ZNF480: variants seen among roughly 807,000 people sequenced by gnomAD.
ZNF480 encodes the protein zinc finger protein 480.
Under a neutral mutation model 14.4 loss-of-function variants are expected in ZNF480, and 15 were observed. The ratio of observed to expected loss-of-function variants is 1.04; its 90% CI spans 0.70 to 1.60. ZNF480 has a LOEUF of 1.60. Among genes scored for constraint, ZNF480 ranks in the 40% most tolerant of loss-of-function variants. The probability of loss-of-function intolerance (pLI) is 0.00; values close to 1 mark genes in which losing one functional copy is unlikely to be tolerated. For missense variants in ZNF480, 593 were observed against 629.7 expected (o/e 0.94, Z 0.62); for synonymous variants, 218 against 215.5 (o/e 1.01, Z -0.10).
Position 52,322,711 on chromosome 19 carries a change from A to G in ZNF480, c.1461A>G (p.Glu487=). 6.2e-7 allele frequency: 1 copy of G among 1,613,802 alleles called. No individual in the cohort carries two copies. Residue 487 remains glutamate, a synonymous_variant, in exon 5 of 5, where the codon GAA becomes GAG. Coordinates refer to ENST00000595962, the MANE Select transcript of ZNF480 (RefSeq NM_144684.4). ...GAGAAAGACCTTACAAATGTAATGA[A>G]TGTGGCAAGGTCTTCAATCGAATTG... ...HTGERPYKCN[E]CGKVFNRIAH...
At chr19:52,306,912 T>C (rs1432302518) in intron 2 of ZNF480, among the ~76,000 whole-genome samples, 1 of 152,110 alleles carries the variant, frequency 6.6e-6, no homozygotes, top group East Asian at 1.9e-4. Flanking sequence ...ACCTGGAGGG[T>C]GAGGCCACTC....
At chr19:52,318,629 G>T (rs1353745599) in intron 4 of ZNF480, among the ~76,000 whole-genome samples, 1 of 151,954 alleles carries the variant, frequency 6.6e-6, no homozygotes, top group African/African-American at 2.4e-5. Flanking sequence ...TTTTACCTAT[G>T]GTTTTTTCTA....
intron 2 of ZNF480, among the ~76,000 whole-genome samples, chr19:52,308,375 C>T (rs1007839272): frequency 7.5e-5 from 11 of 147,024 alleles, no homozygotes; most frequent in East Asian, 4.0e-4. Flanking sequence ...AGCGCAATCT[C>T]GGCTCACTAC....
intron 2 of ZNF480, among the ~76,000 whole-genome samples, chr19:52,310,352 C>T (rs191841295): frequency 6.6e-6 from 1 of 152,302 alleles, no homozygotes; most frequent in East Asian, 1.9e-4. Context: ...CCCAGCACTG[C>T]ACCAGGCTAA....
intron 2 of ZNF480, chr19:52,308,872 C>G (rs1364775506): frequency 6.6e-6 from 1 of 151,798 alleles, no homozygotes; most frequent in Non-Finnish European, 1.5e-5. Flanking sequence ...TTTTCAACAT[C>G]AAATTATGTA....
intron 4 of ZNF480, 86 bp downstream of exon 4, chr19:52,316,048 G>A: frequency 7.2e-7 from 1 of 1,379,366 alleles, no homozygotes; most frequent in Non-Finnish European, 9.6e-7. Flanking sequence ...GGTTTTTTAT[G>A]TTTGTATTTT....
Position 52,315,588 on chromosome 19 carries a change from T to C in ZNF480, c.200-246T>C, listed in dbSNP as rs1182817958. On this transcript the variant is annotated intron_variant, in intron 3 of 4. Coordinates refer to ENST00000595962, the MANE Select transcript of ZNF480 (RefSeq NM_144684.4). ...CACCCGTCTCGGCCTCCCAAAGTGC[T>C]GGGATTACAGGTGTGAGCCACCACG... 5.9e-5 allele frequency among the ~76,000 whole-genome samples: 9 copies of C among 152,112 alleles called. No individual in the cohort carries two copies. The East Asian group carries it at 1.7e-3, about 29-fold the overall frequency.
chr19:52,308,599 G>C (rs1983101472), intron 2 of ZNF480: 1 of 152,154 alleles, frequency 6.6e-6, no homozygotes, highest in Non-Finnish European at 1.5e-5. Context: ...GAGCCACTGT[G>C]CCCAGCCTTC....
chr19:52,308,313 T>TC (rs1447990640), intron 2 of ZNF480, among the ~76,000 whole-genome samples: 1 of 149,082 alleles, frequency 6.7e-6, no homozygotes, highest in Non-Finnish European at 1.5e-5. Flanking sequence ...TCTTCTTTTT[T>TC]TTTTTTTTTT....
intron 2 of ZNF480, among the ~76,000 whole-genome samples, chr19:52,302,351 A>T (rs1982734496): frequency 6.6e-6 from 1 of 152,150 alleles, no homozygotes; most frequent in South Asian, 2.1e-4. Flanking sequence ...TTCCATAATC[A>T]CTGTTCCCCC....
At chr19:52,302,047 C>T in intron 2 of ZNF480, 1 of 207,444 alleles carries the variant, frequency 4.8e-6, no homozygotes, top group South Asian at 8.5e-5. Context: ...CCTCGGGTTC[C>T]TCCCAAAATC....
At chr19:52,315,243 C>G (rs1195377802) in intron 3 of ZNF480, among the ~76,000 whole-genome samples, 1 of 152,106 alleles carries the variant, frequency 6.6e-6, no homozygotes, top group African/African-American at 2.4e-5. Context: ...GCCCCCGCAC[C>G]CAGCTGCATA....
chr19:52,313,346 C>T (rs942814749), intron 2 of ZNF480, among the ~76,000 whole-genome samples: 2 of 151,774 alleles, frequency 1.3e-5, no homozygotes, highest in Non-Finnish European at 2.9e-5. Context: ...CCATGTTGGC[C>T]AGACTGGTCT....
chr19:52,312,770 T>C (rs1211268945), intron 2 of ZNF480, among the ~76,000 whole-genome samples: 2 of 152,152 alleles, frequency 1.3e-5, no homozygotes, highest in Non-Finnish European at 2.9e-5. Context: ...GCCTGTCACA[T>C]GGAAAGTGTT....
At chr19:52,311,100 A>G (rs1408411951) in intron 2 of ZNF480, among the ~76,000 whole-genome samples, 1 of 151,294 alleles carries the variant, frequency 6.6e-6, no homozygotes, top group Admixed American at 6.6e-5. Flanking sequence ...ATTTTCTGTC[A>G]TGTATTAATG....
intron 2 of ZNF480, chr19:52,301,265 T>C (rs1278466768): frequency 1.3e-5 from 2 of 152,340 alleles, no homozygotes; most frequent in Admixed American, 1.3e-4. Flanking sequence ...ATTGTCTTGA[T>C]CCATTTTAAC....
At chr19:52,306,412 G>T (rs1379652510) in intron 2 of ZNF480, among the ~76,000 whole-genome samples, 1 of 152,074 alleles carries the variant, frequency 6.6e-6, no homozygotes, top group African/African-American at 2.4e-5. Context: ...ATAACCACTT[G>T]TGCATCTAAA....
rs13343641 is a variant in ZNF480 at position 52,321,779 on chromosome 19, C to T, written c.529C>T (p.Pro177Ser). 312,428 of 1,613,170 alleles carry T rather than the reference C, an allele frequency of 0.19. 31,031 individuals are homozygous for T. Among genetic ancestry groups the T allele is most frequent in the Non-Finnish European group, 0.2 (240,715 of 1,179,484 alleles). ...LQEMSSSVKTPIFNRNDFDDS... is the reference protein window; with the variant it reads ...LQEMSSSVKTSIFNRNDFDDS... ...AGAAATGTCTTCCAGTGTCAAAACC[C>T]CCATTTTTAATAGGAATGATTTTGA... Residue 177 changes from proline to serine, a missense_variant, in exon 5 of 5, where the codon CCC becomes TCC. Transcript: ENST00000595962.
In ZNF480 at chr19:52,325,764, G is replaced by C. The variant is rs1984072460; in HGVS notation, c.*2906G>C. ...GGGAACAGTAGACACGGGCTTATGG[G>C]TGGAGGTTGGGAAGAGGATGAAGAT... On this transcript the variant is annotated 3_prime_UTR_variant, in exon 5 of 5. Transcript: ENST00000595962. 1 of 152,226 alleles carries C rather than the reference G, an allele frequency of 6.6e-6. No homozygotes were observed. Among genetic ancestry groups the C allele is most frequent in the Non-Finnish European group, 1.5e-5 (1 of 68,054 alleles). The allele number at this position is 152,226 out of a possible 1,614,324, so 9.4% of individuals were successfully genotyped here.
Sources: gnomAD v4.1 joint callset for allele counts (sites outside exome capture counted in the v4.1 genomes callset) on GRCh38, gnomAD v4.1.1 for gene constraint, MANE v1.5 for transcripts, NCBI Gene and HGNC (gene_info 2026-07-23, HGNC 2026-07-21) for gene names.